Variants in CNOT1 observed in about 807,000 individuals in gnomAD.
The protein encoded by CNOT1 is CCR4-NOT transcription complex subunit 1.
A neutral mutation model predicts 273.8 loss-of-function variants in CNOT1; 15 were observed. The ratio of observed to expected loss-of-function variants is 0.05; its 90% CI spans 0.04 to 0.08. The LOEUF (loss-of-function observed/expected upper bound fraction) is 0.08. Among genes scored for constraint, CNOT1 ranks in the 10% least tolerant of loss-of-function variants. The pLI, the probability that CNOT1 is intolerant of heterozygous loss-of-function variation, is 1.00. For missense variants in CNOT1, 1,644 were observed against 2,912.2 expected, an observed-to-expected ratio of 0.56 and a Z score of 10.02; for synonymous variants, 1,022 against 1,005.5, an observed-to-expected ratio of 1.02 and a Z score of -0.31.
At chr16:58,608,429 C>T (rs1241351534) in intron 1 of CNOT1, among the ~76,000 whole-genome samples, 1 of 151,740 alleles carries the variant, frequency 6.6e-6, no homozygotes, top group East Asian at 1.9e-4. Context: ...GTGGCTCGTG[C>T]CTGTAATACC....
intron 1 of CNOT1, among the ~76,000 whole-genome samples, chr16:58,612,158 T>A (rs1310762584): frequency 6.6e-6 from 1 of 152,088 alleles, no homozygotes; most frequent in Non-Finnish European, 1.5e-5. Flanking sequence ...TAAAGGCAGT[T>A]TGGTTTCCCA....
chr16:58,541,981 T>C (rs897811845), intron 33 of CNOT1, among the ~76,000 whole-genome samples: 3 of 152,182 alleles, frequency 2.0e-5, no homozygotes, highest in Admixed American at 6.5e-5. Context: ...TTGGGAAACA[T>C]GAAAACTAGC....
intron 36 of CNOT1, 47 bp downstream of exon 36, chr16:58,538,725 G>C (rs780282225): frequency 7.5e-6 from 12 of 1,604,114 alleles, no homozygotes; most frequent in Admixed American, 1.7e-5. Context: ...TATGTCAAAA[G>C]GCAGTCGCAG....
In CNOT1 at chr16:58,520,811, G is replaced by T; in HGVS notation, c.*147C>A. ...TGGAACGTGCCCACATAAGACAGGA[G>T]GCTGATCCCAACAGTAGTTGGGGCA... On this transcript the variant is annotated 3_prime_UTR_variant, in exon 49 of 49. Transcript: ENST00000317147. 1 of 787,690 alleles carries T rather than the reference G, an allele frequency of 1.3e-6. No homozygotes were observed. The highest frequency in any genetic ancestry group is 2.6e-5 in the East Asian group (1 of 38,778). The allele number at this position is 787,690 out of a possible 1,614,324, so 48.8% of individuals were successfully genotyped here. A position where few individuals can be genotyped will look rare whatever the true frequency, so the allele number is the denominator to read the frequency against.
chr16:58,520,929 T>G lies in CNOT1; in HGVS notation c.*29A>C. On this transcript the variant is annotated 3_prime_UTR_variant, in exon 49 of 49. Coordinates refer to ENST00000317147, the MANE Select transcript of CNOT1 (RefSeq NM_016284.5). The stretch of plus-strand genomic sequence containing the variant: ...ACTCGGTGCAGTGAGACCTCTAGAC[T>G]GACACGTACAACAGAGATGCAGTTT... 6.2e-7 allele frequency: 1 copy of G among 1,606,748 alleles called. No homozygotes were observed. The highest frequency in any genetic ancestry group is 8.5e-7 in the Non-Finnish European group (1 of 1,176,776).
chr16:58,622,971 G>C (rs992173599), intron 1 of CNOT1, among the ~76,000 whole-genome samples: 1 of 152,094 alleles, frequency 6.6e-6, no homozygotes, highest in Non-Finnish European at 1.5e-5. Context: ...GCCAAGGCAG[G>C]CAGATCACCT....
At chr16:58,558,389 T>C in intron 18 of CNOT1, 84 bp downstream of exon 18, 1 of 1,575,454 alleles carries the variant, frequency 6.3e-7, no homozygotes, top group Admixed American at 1.9e-5. Flanking sequence ...CTTATCACAG[T>C]GACTCCAAAC....
chr16:58,554,602 C>G (rs1234042776), intron 21 of CNOT1, among the ~76,000 whole-genome samples: 1 of 152,110 alleles, frequency 6.6e-6, no homozygotes, highest in Non-Finnish European at 1.5e-5. Context: ...ACCAAAAAAC[C>G]TCTGTTCTCA....
intron 18 of CNOT1, among the ~76,000 whole-genome samples, chr16:58,557,227 T>G: frequency 6.6e-6 from 1 of 152,332 alleles, no homozygotes; most frequent in Middle Eastern, 3.4e-3. Flanking sequence ...TTATTTATAT[T>G]CTTGATAATG....
chr16:58,550,696 G>C (rs1056289156), intron 24 of CNOT1, among the ~76,000 whole-genome samples: 11 of 152,138 alleles, frequency 7.2e-5, no homozygotes, highest in African/African-American at 2.7e-4. Context: ...AACAGGATTT[G>C]GCTACATACA....
intron 35 of CNOT1, 93 bp downstream of exon 35, chr16:58,539,675 T>C: frequency 2.4e-6 from 3 of 1,264,182 alleles, no homozygotes; most frequent in Non-Finnish European, 3.2e-6. Flanking sequence ...TATGAAATCT[T>C]AAGCATAACT....
At chr16:58,523,117 C>T (rs1242767952) in intron 47 of CNOT1, 5 of 235,318 alleles carry the variant, frequency 2.1e-5, no homozygotes, top group East Asian at 8.3e-5. Context: ...TGGTGGCAGG[C>T]GCCTGTAATC....
At position 58,546,304 on chromosome 16, in the gene CNOT1, CTAA is replaced by C; in HGVS notation, c.4006+14_4006+16del. 6.2e-7 allele frequency: 1 copy of C among 1,605,800 alleles called. No homozygotes were observed. The highest frequency in any genetic ancestry group is 8.5e-7 in the Non-Finnish European group (1 of 1,173,942). ...CCTAGCTAACAGAAGCCTTCCTTGA[CTAA>C]TTAGCACACTTACTTGTGGTTGTGA... On this transcript the variant is annotated intron_variant, in intron 29 of 48. Coordinates refer to ENST00000317147, the MANE Select transcript of CNOT1 (RefSeq NM_016284.5).
intron 1 of CNOT1, among the ~76,000 whole-genome samples, chr16:58,622,470 T>C (rs1362882570): frequency 6.6e-6 from 1 of 151,046 alleles, no homozygotes; most frequent in African/African-American, 2.4e-5. Context: ...ATAAAATCAA[T>C]TAAGAAAAAA....
chr16:58,598,941 C>T, intron 2 of CNOT1: 1 of 286,058 alleles, frequency 3.5e-6, no homozygotes, highest in Non-Finnish European at 6.9e-6. Context: ...ATCCCAGCTA[C>T]TCGGGAGGCT....
At chr16:58,540,026 A>G (rs995280806) in intron 34 of CNOT1, 67 bp from the exon 35 acceptor site, 14 of 1,501,306 alleles carry the variant, frequency 9.3e-6, no homozygotes, top group Non-Finnish European at 1.3e-5. Flanking sequence ...TGACACATGT[A>G]TCAAATAGAG....
At chr16:58,611,361 A>G (rs1179091510) in intron 1 of CNOT1, among the ~76,000 whole-genome samples, 1 of 151,930 alleles carries the variant, frequency 6.6e-6, no homozygotes, top group Non-Finnish European at 1.5e-5. Context: ...CCCGGGAAGC[A>G]GAGGTTACAG....
chr16:58,523,486 C>G lies in CNOT1; in HGVS notation c.6801G>C (p.Leu2267Phe), dbSNP rs1410545556. 1 of 1,613,458 alleles carries G rather than the reference C, an allele frequency of 6.2e-7. No homozygotes were observed. Among genetic ancestry groups the G allele is most frequent in the Admixed American group, 1.7e-5 (1 of 59,842 alleles). Residue 2267 changes from leucine (L) to phenylalanine (F), a missense_variant, in exon 47 of 49, where the codon TTG becomes TTC. By Grantham distance (22) the Leu-to-Phe change is conservative. Coordinates refer to ENST00000317147, the MANE Select transcript of CNOT1 (RefSeq NM_016284.5). The part of the protein sequence containing the change: ...DLDTEGRYLF[L>F]NAIANQLRYP... Reference sequence around the variant, plus strand: ...ACCGGAGCTGATTTGCAATTGCATTCAAAAAGAGATAGCGACCTAGAAATT... The same window carrying G: ...ACCGGAGCTGATTTGCAATTGCATTGAAAAAGAGATAGCGACCTAGAAATT...
Position 58,585,353 on chromosome 16 carries a change from T to C in CNOT1, c.791A>G (p.Tyr264Cys), listed in dbSNP as rs938624447. 6.2e-7 allele frequency: 1 copy of C among 1,613,880 alleles called. No individual in the cohort carries two copies. The highest frequency in any genetic ancestry group is 8.5e-7 in the Non-Finnish European group (1 of 1,180,000). Residue 264 changes from tyrosine (Y) to cysteine (C), a missense_variant, in exon 8 of 49, where the codon TAT becomes TGT. Tyr to Cys is a radical substitution (Grantham distance 194). Around this residue, in one of 13 missense-constraint regions of CNOT1, gnomAD observed 706 missense variants for 1,021.2 expected, o/e 0.69. Coordinates refer to ENST00000317147, the MANE Select transcript of CNOT1 (RefSeq NM_016284.5). ...TACTACCAACCTTGCACAAAAGCCA[T>C]AGCCTACTTCTTGCATGAAATCAGC... ...SLADFMQEVG[Y>C]GFCASIEECR...
Sources: allele counts gnomAD v4.1 joint callset (sites outside exome capture counted in the v4.1 genomes callset), GRCh38; gene constraint gnomAD v4.1.1; regional missense constraint gnomAD v4.1.1; transcripts MANE v1.5; gene names NCBI Gene and HGNC (gene_info 2026-07-23, HGNC 2026-07-21).